Variants in SNX27 observed in about 807,000 individuals in gnomAD.
The protein encoded by SNX27 is sorting nexin 27.
A neutral mutation model predicts 71.6 loss-of-function variants in SNX27; 22 were observed. That is an observed-to-expected ratio of 0.31 (90% CI 0.22 to 0.44). The LOEUF (loss-of-function observed/expected upper bound fraction) is 0.44. SNX27 is among the 20% of genes least tolerant of loss of function. The pLI, the probability that SNX27 is intolerant of heterozygous loss-of-function variation, is 1.00. For synonymous variants in SNX27, 269 were observed against 277.2 expected, an observed-to-expected ratio of 0.97 and a Z score of 0.29; for missense variants, 531 against 698.6, an observed-to-expected ratio of 0.76 and a Z score of 2.70.
chr1:151,666,721 T>C (rs1670203640), intron 6 of SNX27: 2 of 152,224 alleles, frequency 1.3e-5, no homozygotes, highest in Non-Finnish European at 2.9e-5. Flanking sequence ...GGGGAGAGTT[T>C]GGTAGATTTA....
chr1:151,690,605 AT>A (rs999202718), intron 8 of SNX27, among the ~76,000 whole-genome samples: 13 of 146,612 alleles, frequency 8.9e-5, no homozygotes, highest in Non-Finnish European at 1.4e-4. Context: ...TGCCCGGCAA[AT>A]TTTTTTTTTG....
chr1:151,621,124 A>G (rs563070288), intron 1 of SNX27, among the ~76,000 whole-genome samples: 1 of 152,354 alleles, frequency 6.6e-6, no homozygotes, highest in South Asian at 2.1e-4. Flanking sequence ...ATGAAAATTC[A>G]TGTGAAGCTC....
At chr1:151,631,687 T>TA (rs1668242312) in intron 1 of SNX27, among the ~76,000 whole-genome samples, 1 of 152,172 alleles carries the variant, frequency 6.6e-6, no homozygotes, top group Non-Finnish European at 1.5e-5. Context: ...CTTAAATGCT[T>TA]AAATTTTTTT....
chr1:151,613,465 T>A (rs1045514434), intron 1 of SNX27: 1 of 152,484 alleles, frequency 6.6e-6, no homozygotes, highest in African/African-American at 2.4e-5. Context: ...CTTTGCTTTT[T>A]TAGGGCATGC....
chr1:151,671,881 A>G (rs367642806), intron 7 of SNX27, among the ~76,000 whole-genome samples: 1 of 152,082 alleles, frequency 6.6e-6, no homozygotes, highest in Non-Finnish European at 1.5e-5. Flanking sequence ...GAATTTATTT[A>G]TCAGTTCTAA....
At chr1:151,635,405 C>T (rs1478195226) in intron 1 of SNX27, among the ~76,000 whole-genome samples, 1 of 152,174 alleles carries the variant, frequency 6.6e-6, no homozygotes, top group Non-Finnish European at 1.5e-5. Flanking sequence ...GACTCCCAAA[C>T]CCATACTTTG....
In SNX27 at chr1:151,693,016, T is replaced by C. The variant is rs1245623181; in HGVS notation, c.1495T>C (p.Trp499Arg). The C allele has an allele frequency of 1.2e-6, 2 of 1,614,110 alleles. No individual in the cohort carries two copies. Among genetic ancestry groups the C allele is most frequent in the East Asian group, 4.5e-5 (2 of 44,878 alleles). Reference protein sequence around the residue: ...EYARGEKKPRWVKIFTPYFNY... With the variant: ...EYARGEKKPRRVKIFTPYFNY... ...TGCACGAGGAGAGAAGAAGCCCCGA[T>C]GGGTTAAAATCTTCACGCCATATGT... The change falls in exon 10 of 12, where the codon TGG becomes CGG. Residue 499 changes from tryptophan to arginine, a missense_variant. Coordinates refer to ENST00000458013, the MANE Select transcript of SNX27 (RefSeq NM_001330723.2).
At chr1:151,625,784 C>CAA (rs773796738) in intron 1 of SNX27, among the ~76,000 whole-genome samples, 38 of 83,236 alleles carry the variant, frequency 4.6e-4, no homozygotes, top group Admixed American at 5.3e-4. Flanking sequence ...ACTCTGTGTC[C>CAA]AAAAAAAAAA....
chr1:151,661,809 G>A (rs963396525), intron 4 of SNX27, among the ~76,000 whole-genome samples: 3 of 152,032 alleles, frequency 2.0e-5, no homozygotes, highest in Non-Finnish European at 2.9e-5. Context: ...AATATACATC[G>A]AAACTACTGC....
At chr1:151,673,005 C>G (rs1422398189) in intron 7 of SNX27, among the ~76,000 whole-genome samples, 1 of 149,288 alleles carries the variant, frequency 6.7e-6, no homozygotes, top group Non-Finnish European at 1.5e-5. Flanking sequence ...TATTTCTTTT[C>G]TTCTACTAAT....
chr1:151,669,164 C>A (rs911981765), intron 7 of SNX27: 12 of 152,356 alleles, frequency 7.9e-5, no homozygotes, highest in African/African-American at 2.9e-4. Flanking sequence ...CTCTTCATTT[C>A]CCACTATTGA....
intron 2 of SNX27, among the ~76,000 whole-genome samples, chr1:151,643,924 T>G (rs1668905446): frequency 6.6e-6 from 1 of 152,162 alleles, no homozygotes; most frequent in African/African-American, 2.4e-5. Flanking sequence ...CCTCCCAAGG[T>G]GCTGAGATTA....
chr1:151,633,210 T>C (rs1180950786), intron 1 of SNX27, among the ~76,000 whole-genome samples: 2 of 152,172 alleles, frequency 1.3e-5, no homozygotes, highest in Non-Finnish European at 2.9e-5. Flanking sequence ...TACAGTTAAA[T>C]GCACACATAT....
At chr1:151,648,624 G>A (rs1411690229) in intron 2 of SNX27, among the ~76,000 whole-genome samples, 1 of 151,958 alleles carries the variant, frequency 6.6e-6, no homozygotes, top group Non-Finnish European at 1.5e-5. Flanking sequence ...TCTCCATGTT[G>A]TCCAAGCTGG....
intron 1 of SNX27, among the ~76,000 whole-genome samples, chr1:151,620,999 T>G (rs190117024): frequency 7.9e-5 from 12 of 152,264 alleles, no homozygotes; most frequent in Admixed American, 6.5e-4. Context: ...CGAAGATGCT[T>G]CTTTTAATTT....
At chr1:151,642,238 T>C (rs1668810958) in intron 2 of SNX27, among the ~76,000 whole-genome samples, 1 of 151,626 alleles carries the variant, frequency 6.6e-6, no homozygotes, top group African/African-American at 2.4e-5. Flanking sequence ...AATACAAAAA[T>C]TAGCCGGGCG....
intron 2 of SNX27, among the ~76,000 whole-genome samples, chr1:151,648,072 T>C (rs1249641619): frequency 6.6e-6 from 1 of 152,198 alleles, no homozygotes; most frequent in Non-Finnish European, 1.5e-5. Flanking sequence ...TTTTGTTTTT[T>C]GAGGTGGAGT....
At chr1:151,652,477 C>T (rs1347798444) in intron 2 of SNX27, among the ~76,000 whole-genome samples, 6 of 144,586 alleles carry the variant, frequency 4.1e-5, no homozygotes, top group African/African-American at 7.8e-5. Flanking sequence ...GGTGTGATCT[C>T]GGCTCACTGC....
At chr1:151,676,715 CA>C (rs989748526) in intron 7 of SNX27, 7 of 152,058 alleles carry the variant, frequency 4.6e-5, no homozygotes, top group African/African-American at 1.7e-4. Context: ...AGGACAATAG[CA>C]CACTTATATT....
Sources: gnomAD v4.1 joint callset for allele counts (sites outside exome capture counted in the v4.1 genomes callset) on GRCh38, gnomAD v4.1.1 for gene constraint, MANE v1.5 for transcripts, NCBI Gene and HGNC (gene_info 2026-07-23, HGNC 2026-07-21) for gene names.